OR1B1: variants seen among roughly 807,000 people sequenced by gnomAD.
OR1B1 encodes the protein olfactory receptor family 1 subfamily B member 1.
For synonymous variants in OR1B1, 168 were observed against 156.2 expected (o/e 1.08, Z -0.57); for missense variants, 414 against 402.1 (o/e 1.03, Z -0.25).
chr9:122,649,454 A>G, the OR1B1 span, among the ~76,000 whole-genome samples: 115 of 148,896 alleles, frequency 7.7e-4, no homozygotes, highest in Admixed American at 1.3e-3. Flanking sequence ...CTATCATCAG[A>G]GTGAACAGGC....
chr9:122,635,037 C>T, the OR1B1 span, among the ~76,000 whole-genome samples: 8,235 of 152,130 alleles, frequency 0.054, 586 homozygotes, highest in East Asian at 0.19. Flanking sequence ...GGTATACACC[C>T]GAAGGAAAAT....
upstream of OR1B1, among the ~76,000 whole-genome samples, chr9:122,632,855 T>G (rs564686918): frequency 6.6e-6 from 1 of 152,306 alleles, no homozygotes; most frequent in South Asian, 2.1e-4. Context: ...TTCACCCTGC[T>G]GATAAAGGCA....
chr9:122,638,767 C>T, the OR1B1 span, among the ~76,000 whole-genome samples: 1 of 152,206 alleles, frequency 6.6e-6, no homozygotes, highest in African/African-American at 2.4e-5. Flanking sequence ...ATTTCTGGTT[C>T]TCTGTCTCAC....
At chr9:122,650,449 C>T in the OR1B1 span, among the ~76,000 whole-genome samples, 1 of 150,478 alleles carries the variant, frequency 6.6e-6, no homozygotes, top group Non-Finnish European at 1.5e-5. Flanking sequence ...ATATATAGTC[C>T]CACACACTTA....
chr9:122,635,306 T>C, the OR1B1 span, among the ~76,000 whole-genome samples: 67 of 152,270 alleles, frequency 4.4e-4, no homozygotes, highest in African/African-American at 1.6e-3. Context: ...ATGTAGAACC[T>C]TACGTTTTAA....
At chr9:122,650,373 A>G in the OR1B1 span, among the ~76,000 whole-genome samples, 1 of 152,024 alleles carries the variant, frequency 6.6e-6, no homozygotes, top group African/African-American at 2.4e-5. Context: ...ATGCCTGCAC[A>G]TGTACCCCAG....
the OR1B1 span, among the ~76,000 whole-genome samples, chr9:122,643,173 C>T: frequency 2.0e-5 from 3 of 152,080 alleles, no homozygotes; most frequent in Non-Finnish European, 4.4e-5. Context: ...AAGCACAGTA[C>T]CTGGTTTTAA....
chr9:122,628,954 A>G (rs1464933026), exon 1 of OR1B1: 2 of 1,614,046 alleles, frequency 1.2e-6, no homozygotes, highest in African/African-American at 2.7e-5. Context: ...TGTCAGAACA[A>G]GAGGCTCGCA....
At chr9:122,634,346 A>G (rs2118815407), upstream of OR1B1, among the ~76,000 whole-genome samples, 1 of 151,914 alleles carries the variant, frequency 6.6e-6, no homozygotes, top group Admixed American at 6.5e-5. Flanking sequence ...AAAAAAAAAA[A>G]AAAGAAAAGA....
chr9:122,655,193 A>G, the OR1B1 span, among the ~76,000 whole-genome samples: 2 of 152,104 alleles, frequency 1.3e-5, no homozygotes, highest in African/African-American at 4.8e-5. Context: ...ATCAAAAGAA[A>G]GAATGTGTGA....
Position 122,628,820 on chromosome 9 carries a change from C to A in OR1B1, c.716G>T (p.Gly239Val), listed in dbSNP as rs756701773. Residue 239 changes from glycine (G) to valine (V), a missense_variant, in exon 1 of 1, where the codon GGT becomes GTT. By Grantham distance (109) the Gly-to-Val change is moderately radical. Coordinates refer to ENST00000623530, the Ensembl canonical transcript of OR1B1. ...ACAGGTGGAGACTGCTCGGCGGCGA[C>A]CAGCAGCTGAAGGCAAACGTAGAAT... is the stretch of plus-strand genomic sequence containing the variant. 1.2e-5 allele frequency: 20 copies of A among 1,614,036 alleles called. 1 individual carries two copies. In the South Asian group the frequency reaches 2.2e-4, roughly 18 times the overall value.
At chr9:122,649,777 A>T in the OR1B1 span, among the ~76,000 whole-genome samples, 2 of 152,248 alleles carry the variant, frequency 1.3e-5, no homozygotes, top group African/African-American at 4.8e-5. Context: ...GTGGAGAAAC[A>T]GGAACTCTTT....
chr9:122,629,070 G>C (rs201163228), exon 1 of OR1B1: 300 of 1,613,456 alleles, frequency 1.9e-4, no homozygotes, highest in Admixed American at 4.2e-4. Flanking sequence ...ATGGTGTGCA[G>C]TATGGACACC....
the OR1B1 span, among the ~76,000 whole-genome samples, chr9:122,655,735 A>C: frequency 1.3e-5 from 2 of 151,994 alleles, no homozygotes; most frequent in South Asian, 2.1e-4. Context: ...TAGCTAATGC[A>C]TTCTGGGCTT....
the OR1B1 span, among the ~76,000 whole-genome samples, chr9:122,651,722 C>T: frequency 6.6e-6 from 1 of 152,124 alleles, no homozygotes; most frequent in Non-Finnish European, 1.5e-5. Flanking sequence ...TTGTACATTC[C>T]AATTTGCAGA....
At chr9:122,647,817 CAAGA>C in the OR1B1 span, among the ~76,000 whole-genome samples, 3 of 152,194 alleles carry the variant, frequency 2.0e-5, no homozygotes, top group Non-Finnish European at 4.4e-5. Flanking sequence ...AGCAAGCACT[CAAGA>C]AAGAATGGCT....
chr9:122,636,921 G>C, the OR1B1 span, among the ~76,000 whole-genome samples: 1 of 152,180 alleles, frequency 6.6e-6, no homozygotes, highest in African/African-American at 2.4e-5. Flanking sequence ...GATTAAAGGA[G>C]AACATATTCC....
chr9:122,629,536 G>T, exon 1 of OR1B1: 1 of 1,582,222 alleles, frequency 6.3e-7, no homozygotes, highest in Non-Finnish European at 8.6e-7. Context: ...AGCTCATCAT[G>T]AGTGACAGTC....
the OR1B1 span, among the ~76,000 whole-genome samples, chr9:122,640,158 C>T: frequency 6.6e-6 from 1 of 152,062 alleles, no homozygotes; most frequent in Non-Finnish European, 1.5e-5. Flanking sequence ...CTTCATTTTC[C>T]TTCTTTACTA....
Sources: allele counts gnomAD v4.1 joint callset (sites outside exome capture counted in the v4.1 genomes callset), GRCh38; gene constraint gnomAD v4.1.1; transcripts MANE v1.5; gene names NCBI Gene and HGNC (gene_info 2026-07-23, HGNC 2026-07-21).